Variants in ZNF678 observed in about 807,000 individuals in gnomAD.
ZNF678 encodes zinc finger protein 678, also known as hypothetical protein MGC42493.
A neutral mutation model predicts 3.0 loss-of-function variants in ZNF678; 5 were observed. That is an observed-to-expected ratio of 1.69 (90% confidence interval 0.88 to 3.56). The LOEUF is 3.56. Among genes scored for constraint, ZNF678 ranks in the 30% most tolerant of loss-of-function variants. The probability of loss-of-function intolerance (pLI) is 0.00; values close to 1 mark genes in which losing one functional copy is unlikely to be tolerated. For synonymous variants in ZNF678, 218 were observed against 199.6 expected, an observed-to-expected ratio of 1.09 and a Z score of -0.78; for missense variants, 593 against 605.0, an observed-to-expected ratio of 0.98 and a Z score of 0.21.
chr1:227,630,654 A>G (rs1486877249), intron 1 of ZNF678, among the ~76,000 whole-genome samples: 3 of 152,186 alleles, frequency 2.0e-5, no homozygotes, highest in South Asian at 2.1e-4. Flanking sequence ...ATGCACTCTG[A>G]CTGGGCCAAA....
intron 1 of ZNF678, among the ~76,000 whole-genome samples, chr1:227,605,585 G>A (rs908849361): frequency 6.6e-6 from 1 of 152,162 alleles, no homozygotes; most frequent in East Asian, 1.9e-4. Context: ...TTAACAGGTT[G>A]TGGAAGTTCT....
chr1:227,670,267 C>T (rs900992832), intron 5 of ZNF678, among the ~76,000 whole-genome samples: 1 of 152,062 alleles, frequency 6.6e-6, no homozygotes, highest in Admixed American at 6.6e-5. Context: ...ATGTATCCCC[C>T]GATTTAATAA....
intron 1 of ZNF678, among the ~76,000 whole-genome samples, chr1:227,632,483 C>T (rs1658570775): frequency 6.6e-6 from 1 of 152,118 alleles, no homozygotes; most frequent in South Asian, 2.1e-4. Flanking sequence ...ATGATCTCGA[C>T]CGGCCAATGC....
At chr1:227,587,987 C>A (rs1367770458) in intron 1 of ZNF678, among the ~76,000 whole-genome samples, 2 of 152,082 alleles carry the variant, frequency 1.3e-5, no homozygotes, top group African/African-American at 4.8e-5. Flanking sequence ...TTCCCTCCCC[C>A]CAGCCCCCCA....
intron 1 of ZNF678, among the ~76,000 whole-genome samples, chr1:227,640,963 A>G (rs1053286804): frequency 1.3e-4 from 20 of 152,244 alleles, no homozygotes; most frequent in African/African-American, 4.8e-4. Flanking sequence ...ATGATCATTG[A>G]GTACCTGGCA....
chr1:227,574,267 G>A (rs983959540), intron 1 of ZNF678, among the ~76,000 whole-genome samples: 3 of 152,180 alleles, frequency 2.0e-5, no homozygotes, highest in Admixed American at 2.0e-4. Context: ...CACAATAGCT[G>A]AACTAATTTA....
chr1:227,657,505 A>G lies in ZNF678; in HGVS notation c.*1677A>G, dbSNP rs938271530. On this transcript the variant is annotated 3_prime_UTR_variant, in exon 4 of 4. Coordinates refer to ENST00000343776, the MANE Select transcript of ZNF678 (RefSeq NM_001367909.1). ...TTATATAATCTTCAGTATAACCATT[A>G]TAATTGCCCACTATAAAGGAGTATA... 1.3e-5 allele frequency: 2 copies of G among 151,978 alleles called. No individual in the cohort carries two copies. The highest frequency in any genetic ancestry group is 2.9e-5 in the Non-Finnish European group (2 of 67,880). 9.4% of individuals were successfully genotyped at this position (151,978 alleles called of 1,614,324 possible). A position where few individuals can be genotyped will look rare whatever the true frequency, so the allele number is the denominator to read the frequency against.
downstream of ZNF678, among the ~76,000 whole-genome samples, chr1:227,662,766 GAC>G (rs1372982708): frequency 6.6e-6 from 1 of 152,156 alleles, no homozygotes; most frequent in African/African-American, 2.4e-5. Flanking sequence ...GACTGCTGGG[GAC>G]ACTATACTTG....
intron 1 of ZNF678, among the ~76,000 whole-genome samples, chr1:227,584,491 G>C (rs1438901545): frequency 6.6e-6 from 1 of 152,178 alleles, no homozygotes; most frequent in Non-Finnish European, 1.5e-5. Flanking sequence ...TCCAGCTAAG[G>C]CTGATCACTT....
chr1:227,571,839 G>A (rs963039028), intron 1 of ZNF678, among the ~76,000 whole-genome samples: 10 of 152,124 alleles, frequency 6.6e-5, no homozygotes, highest in Non-Finnish European at 1.2e-4. Flanking sequence ...TCAGGAGATC[G>A]AGACCATCCT....
intron 3 of ZNF678, among the ~76,000 whole-genome samples, chr1:227,653,934 G>GCCAT (rs1659149358): frequency 1.3e-5 from 2 of 152,104 alleles, no homozygotes; most frequent in East Asian, 1.9e-4. Flanking sequence ...CAGAAGTATG[G>GCCAT]GCACATGTGC....
intron 1 of ZNF678, among the ~76,000 whole-genome samples, chr1:227,603,542 C>G (rs1297750694): frequency 6.6e-6 from 1 of 152,158 alleles, no homozygotes; most frequent in African/African-American, 2.4e-5. Flanking sequence ...GGGCCCGACT[C>G]CAGGTGCTGT....
At chr1:227,634,601 G>A (rs923582314) in intron 1 of ZNF678, among the ~76,000 whole-genome samples, 5 of 152,188 alleles carry the variant, frequency 3.3e-5, no homozygotes, top group Non-Finnish European at 7.3e-5. Flanking sequence ...GTCTGTGATC[G>A]TGGTAGCCAC....
At chr1:227,663,543 A>T (rs1659451766), downstream of ZNF678, among the ~76,000 whole-genome samples, 1 of 152,202 alleles carries the variant, frequency 6.6e-6, no homozygotes, top group Admixed American at 6.5e-5. Context: ...CACTTCCCTC[A>T]TAAAAATACT....
At chr1:227,595,680 T>C (rs1303311200) in intron 1 of ZNF678, among the ~76,000 whole-genome samples, 1 of 152,100 alleles carries the variant, frequency 6.6e-6, no homozygotes, top group Non-Finnish European at 1.5e-5. Context: ...ACACACACAC[T>C]TTTGCAGTTT....
rs1255072026 is a variant in ZNF678 at position 227,631,521 on chromosome 1, T to C, written c.-163-15023T>C. 3.3e-5 allele frequency among the ~76,000 whole-genome samples: 5 copies of C among 152,290 alleles called. No homozygotes were observed. The East Asian group carries it at 9.6e-4, about 29-fold the overall frequency. ...CTATGCAAATTCGTTTCAGAGAGGG[T>C]GTAGGTAACCTTTTGAGTCAGGATT... On this transcript the variant is annotated intron_variant, in intron 1 of 3. Coordinates refer to ENST00000343776, the MANE Select transcript of ZNF678 (RefSeq NM_001367909.1).
chr1:227,674,652 G>A (rs1356783474), intron 5 of ZNF678, among the ~76,000 whole-genome samples: 1 of 149,624 alleles, frequency 6.7e-6, no homozygotes, highest in East Asian at 1.9e-4. Context: ...GCCCAGCCTG[G>A]AGTGCAATGG....
chr1:227,664,081 C>T (rs930785170), downstream of ZNF678, among the ~76,000 whole-genome samples: 2 of 152,130 alleles, frequency 1.3e-5, no homozygotes, highest in East Asian at 1.9e-4. Context: ...ATCACGGGGA[C>T]ACTTCCATTA....
At chr1:227,585,041 G>A (rs1657223148) in intron 1 of ZNF678, among the ~76,000 whole-genome samples, 1 of 152,126 alleles carries the variant, frequency 6.6e-6, no homozygotes, top group Non-Finnish European at 1.5e-5. Context: ...TTGAAACTAG[G>A]ACCTAGAATT....
Sources: allele counts gnomAD v4.1 joint callset (sites outside exome capture counted in the v4.1 genomes callset), GRCh38; gene constraint gnomAD v4.1.1; transcripts MANE v1.5; gene names NCBI Gene and HGNC (gene_info 2026-07-23, HGNC 2026-07-21).